TXNDC16: variants seen among roughly 807,000 people sequenced by gnomAD.
The protein encoded by TXNDC16 is thioredoxin domain-containing protein 16.
In TXNDC16, 74 loss-of-function variants were observed where a neutral mutation model predicts 85.6. That is an observed-to-expected ratio of 0.86 (90% CI 0.72 to 1.05). The LOEUF (loss-of-function observed/expected upper bound fraction) is 1.05, where lower values mean the gene tolerates loss of function less well. TXNDC16 is among the 50% of genes least tolerant of loss of function. TXNDC16 has a pLI of 0.00. For missense variants in TXNDC16, 959 were observed against 947.0 expected (o/e 1.01, Z -0.17); for synonymous variants, 335 against 326.5 (o/e 1.03, Z -0.28).
At chr14:52,543,169 T>C (rs886529934) in intron 3 of TXNDC16, among the ~76,000 whole-genome samples, 1 of 152,186 alleles carries the variant, frequency 6.6e-6, no homozygotes, top group Non-Finnish European at 1.5e-5. Context: ...TAAAGTACTA[T>C]TTCTTCTGAA....
chr14:52,480,977 A>ATATATATATATATATATATATG (rs2036135791), intron 14 of TXNDC16, among the ~76,000 whole-genome samples: 4 of 14,424 alleles, frequency 2.8e-4, no homozygotes, highest in South Asian at 8.5e-3. Context: ...ATATATATGT[A>ATATATATATATATATATATATG]TATATATATA....
rs1466599237 is a variant in TXNDC16 at position 52,536,757 on chromosome 14, G to C, written c.354C>G (p.Thr118=). The change falls in exon 6 of 21, where the codon ACC becomes ACG. Residue 118 remains threonine (T), a synonymous_variant. Coordinates refer to ENST00000281741, the MANE Select transcript of TXNDC16 (RefSeq NM_020784.3). ...CGACAATGGCATTCACATCAAACAA[G>C]GTGTCAGTAGGGAATTCTCTGAGCA... The part of the protein sequence containing the change: ...NILLREFPTD[T]LFDVNAIVAH... 6.2e-7 allele frequency: 1 copy of C among 1,611,698 alleles called. No homozygotes were observed. The highest frequency in any genetic ancestry group is 1.7e-5 in the Admixed American group (1 of 59,896).
intron 6 of TXNDC16, among the ~76,000 whole-genome samples, chr14:52,536,146 A>G (rs1209890959): frequency 2.6e-5 from 4 of 152,174 alleles, no homozygotes; most frequent in Admixed American, 6.5e-5. Flanking sequence ...TGATGATATT[A>G]GGAGGTTATA....
chr14:52,437,799 A>G (rs2035064716), intron 20 of TXNDC16, among the ~76,000 whole-genome samples: 1 of 152,226 alleles, frequency 6.6e-6, no homozygotes, highest in African/African-American at 2.4e-5. Flanking sequence ...CAAACGGAAA[A>G]TAGGTCTATG....
intron 15 of TXNDC16, 74 bp downstream of exon 15, chr14:52,470,438 T>A: frequency 6.8e-7 from 1 of 1,470,012 alleles, no homozygotes; most frequent in Non-Finnish European, 9.2e-7. Flanking sequence ...ATTTTAAGTG[T>A]TAGCAAAGTC....
intron 9 of TXNDC16, among the ~76,000 whole-genome samples, chr14:52,496,974 C>T (rs578113309): frequency 6.6e-6 from 1 of 151,950 alleles, no homozygotes; most frequent in Admixed American, 6.6e-5. Flanking sequence ...CCTTGATAGG[C>T]AGATAAAGTC....
At chr14:52,521,720 T>C (rs972610268) in intron 6 of TXNDC16, among the ~76,000 whole-genome samples, 1 of 152,180 alleles carries the variant, frequency 6.6e-6, no homozygotes, top group African/African-American at 2.4e-5. Context: ...TCTTCTATCA[T>C]TCCCAGGGCT....
At chr14:52,473,368 T>C (rs985541488) in intron 14 of TXNDC16, among the ~76,000 whole-genome samples, 16 of 152,174 alleles carry the variant, frequency 1.1e-4, no homozygotes, top group African/African-American at 3.9e-4. Context: ...AGTGCCACGT[T>C]ACATATTTTG....
intron 14 of TXNDC16, among the ~76,000 whole-genome samples, chr14:52,479,534 A>G (rs2036098566): frequency 6.6e-6 from 1 of 152,006 alleles, no homozygotes; most frequent in South Asian, 2.1e-4. Flanking sequence ...CAAGCTGAGA[A>G]TCAAGTCTAG....
intron 12 of TXNDC16, 67 bp downstream of exon 12, chr14:52,488,296 T>C (rs754182787): frequency 1.3e-6 from 2 of 1,574,252 alleles, no homozygotes. Flanking sequence ...GTTAATCCAT[T>C]GGAAATTTCA....
chr14:52,445,018 G>A (rs1384560087), intron 18 of TXNDC16, among the ~76,000 whole-genome samples: 1 of 152,042 alleles, frequency 6.6e-6, no homozygotes, highest in Non-Finnish European at 1.5e-5. Flanking sequence ...AGTACTTGAT[G>A]GAAATACATT....
intron 4 of TXNDC16, among the ~76,000 whole-genome samples, chr14:52,540,225 T>C (rs1332878236): frequency 6.6e-6 from 1 of 152,246 alleles, no homozygotes; most frequent in African/African-American, 2.4e-5. Flanking sequence ...TCATCCTGCC[T>C]CTTGCTATCT....
intron 14 of TXNDC16, among the ~76,000 whole-genome samples, chr14:52,472,699 A>C (rs2035935827): frequency 1.3e-5 from 2 of 152,212 alleles, no homozygotes; most frequent in South Asian, 4.1e-4. Flanking sequence ...AGACCTGCTA[A>C]GTGACTTCCT....
chr14:52,551,142 A>T (rs1042431156), intron 1 of TXNDC16, among the ~76,000 whole-genome samples: 19 of 152,120 alleles, frequency 1.2e-4, no homozygotes, highest in Non-Finnish European at 2.6e-4. Context: ...AAAGAACTCA[A>T]ACCACACTAG....
In TXNDC16 at chr14:52,543,395, T is replaced by C; in HGVS notation, c.160+3A>G. Reference sequence around the variant, plus strand: ...ATCATATTAGAATTTTAAAAATACTTACCAGCTTGACAAAAATAAGCTAAA... The same window carrying C: ...ATCATATTAGAATTTTAAAAATACTCACCAGCTTGACAAAAATAAGCTAAA... On this transcript the variant is annotated splice_donor_region_variant and intron_variant, in intron 3 of 20. Coordinates refer to ENST00000281741, the MANE Select transcript of TXNDC16 (RefSeq NM_020784.3). 5 of 1,602,040 alleles carry C rather than the reference T, an allele frequency of 3.1e-6. No homozygotes were observed. Among genetic ancestry groups the C allele is most frequent in the Non-Finnish European group, 4.2e-6 (5 of 1,176,644 alleles).
In TXNDC16 at chr14:52,496,610, A is replaced by ATTT. The variant is rs57762673; in HGVS notation, c.757-5608_757-5606dup. Among the ~76,000 whole-genome samples, 968 of 140,108 alleles carry ATTT rather than the reference A, an allele frequency of 6.9e-3. 19 individuals carry two copies. Among genetic ancestry groups the ATTT allele is most frequent in the Admixed American group, 0.04 (554 of 13,966 alleles). 91.9% of individuals were successfully genotyped at this position (140,108 alleles called of 152,430 possible). A position where few individuals can be genotyped will look rare whatever the true frequency, so the allele number is the denominator to read the frequency against. ...ATTATGACTTTTTTATGATTTTATG[A>ATTT]TTTTTTTTTTTTTTGAGACAGAGTC... On this transcript the variant is annotated intron_variant, in intron 9 of 20. Coordinates refer to ENST00000281741, the MANE Select transcript of TXNDC16 (RefSeq NM_020784.3).
intron 18 of TXNDC16, among the ~76,000 whole-genome samples, chr14:52,452,515 C>A (rs2035435439): frequency 6.6e-6 from 1 of 152,088 alleles, no homozygotes; most frequent in South Asian, 2.1e-4. Context: ...ATACAGAATG[C>A]AGAAATAAAT....
chr14:52,472,934 C>T (rs2035942241), intron 14 of TXNDC16, among the ~76,000 whole-genome samples: 2 of 152,150 alleles, frequency 1.3e-5, no homozygotes, highest in Non-Finnish European at 2.9e-5. Context: ...CTCTGTCTTC[C>T]CTTCTCTGCC....
intron 4 of TXNDC16, among the ~76,000 whole-genome samples, chr14:52,540,671 TC>T (rs1405127539): frequency 6.6e-6 from 1 of 152,144 alleles, no homozygotes; most frequent in African/African-American, 2.4e-5. Context: ...TTTGTATCTC[TC>T]CTATTACAAT....
Sources: gnomAD v4.1 joint callset for allele counts (sites outside exome capture counted in the v4.1 genomes callset) on GRCh38, gnomAD v4.1.1 for gene constraint, MANE v1.5 for transcripts, NCBI Gene and HGNC (gene_info 2026-07-23, HGNC 2026-07-21) for gene names.